Variants in AKAP9 observed in about 807,000 individuals in gnomAD.
AKAP9 encodes A-kinase anchoring protein 9, also known as A-kinase anchor protein 9.
In AKAP9, 311 loss-of-function variants were observed where a neutral mutation model predicts 488.5. The ratio of observed to expected loss-of-function variants is 0.64; its 90% CI spans 0.58 to 0.70. The LOEUF is 0.70. Ranked by LOEUF, AKAP9 falls within the 30% of genes least tolerant of loss-of-function variation. The pLI is 0.00. For missense variants in AKAP9, 4,215 were observed against 4,374.5 expected (o/e 0.96, Z 1.03); for synonymous variants, 1,462 against 1,483.5 (o/e 0.99, Z 0.33).
intron 1 of AKAP9, among the ~76,000 whole-genome samples, chr7:91,963,707 A>G (rs1400465250): frequency 1.3e-5 from 2 of 151,974 alleles, no homozygotes; most frequent in African/African-American, 2.4e-5. Flanking sequence ...TTTAGTAGAG[A>G]TGTGGTTTCG....
intron 7 of AKAP9, among the ~76,000 whole-genome samples, chr7:91,999,186 C>T (rs1182037242): frequency 6.6e-6 from 1 of 152,264 alleles, no homozygotes; most frequent in East Asian, 1.9e-4. Context: ...GACGAGCTAC[C>T]TCAGAAGTGA....
intron 6 of AKAP9, 30 bp from the exon 7 acceptor site, chr7:91,995,573 T>A: frequency 6.2e-7 from 1 of 1,604,612 alleles, no homozygotes; most frequent in Non-Finnish European, 8.5e-7. Context: ...CTTCAGAATT[T>A]AACGTTTTGA....
intron 9 of AKAP9, among the ~76,000 whole-genome samples, chr7:92,013,810 C>T (rs1477560133): frequency 6.6e-6 from 1 of 150,766 alleles, no homozygotes; most frequent in Non-Finnish European, 1.5e-5. Flanking sequence ...GTTTTTCAAA[C>T]TAGAGGCTAA....
chr7:92,085,039 G>T, intron 35 of AKAP9, 99 bp downstream of exon 35: 1 of 1,373,780 alleles, frequency 7.3e-7, no homozygotes. Flanking sequence ...CATTTCTGAA[G>T]AGAGAATTGC....
intron 22 of AKAP9, among the ~76,000 whole-genome samples, chr7:92,059,160 T>TA (rs1293881001): frequency 6.6e-6 from 1 of 151,966 alleles, no homozygotes; most frequent in Non-Finnish European, 1.5e-5. Flanking sequence ...ACTTTTATAT[T>TA]AAAGTGACAG....
At chr7:92,077,571 A>T (rs1043383024) in intron 29 of AKAP9, 125 bp from the exon 30 acceptor site, 23 of 823,092 alleles carry the variant, frequency 2.8e-5, no homozygotes, top group Non-Finnish European at 4.6e-5. Context: ...ATTGATTTAC[A>T]GTAACCATAT....
At chr7:91,981,756 C>A (rs1414065142) in intron 3 of AKAP9, among the ~76,000 whole-genome samples, 1 of 152,042 alleles carries the variant, frequency 6.6e-6, no homozygotes, top group Non-Finnish European at 1.5e-5. Flanking sequence ...CAGGCATGTG[C>A]CACCACACCC....
chr7:91,980,184 T>C, intron 2 of AKAP9, 105 bp from the exon 3 acceptor site: 1 of 619,450 alleles, frequency 1.6e-6, no homozygotes, highest in Non-Finnish European at 2.8e-6. Flanking sequence ...TAGTGGTATT[T>C]TATGTGACTT....
At chr7:91,953,025 T>C (rs1192048071) in intron 1 of AKAP9, among the ~76,000 whole-genome samples, 4 of 152,162 alleles carry the variant, frequency 2.6e-5, no homozygotes, top group African/African-American at 9.7e-5. Flanking sequence ...GTTAGCTAGA[T>C]TTGCATTTTA....
At chr7:92,010,536 A>G (rs1410337242) in intron 8 of AKAP9, among the ~76,000 whole-genome samples, 1 of 152,192 alleles carries the variant, frequency 6.6e-6, no homozygotes, top group Admixed American at 6.5e-5. Context: ...TACGTTATTC[A>G]TCTGTTATGC....
rs760013686 is a variant in AKAP9 at position 92,002,428 on chromosome 7, T to C, written c.2511T>C (p.Ile837=). The part of the protein sequence containing the change: ...EENEDLKQQC[I]QLNEEIEKQR... ...ATGAGGACCTCAAACAACAATGTAT[T>C]CAGCTAAATGAAGAGATTGAAAAGC... Residue 837 remains isoleucine (I), a synonymous_variant, in exon 8 of 50, where the codon ATT becomes ATC. Transcript: ENST00000356239. 12 of 1,609,212 alleles carry C rather than the reference T, an allele frequency of 7.5e-6. No individual in the cohort carries two copies. Among genetic ancestry groups the C allele is most frequent in the Non-Finnish European group, 9.3e-6 (11 of 1,178,708 alleles).
intron 3 of AKAP9, among the ~76,000 whole-genome samples, chr7:91,989,190 A>C (rs574988924): frequency 6.6e-6 from 1 of 152,254 alleles, no homozygotes; most frequent in Admixed American, 6.5e-5. Flanking sequence ...TTTGATTAGA[A>C]CTTAATTTGT....
Position 92,012,612 on chromosome 7 carries a change from G to A in AKAP9, c.3502G>A (p.Glu1168Lys), listed in dbSNP as rs1247822313. 1 of 1,613,002 alleles carries A rather than the reference G, an allele frequency of 6.2e-7. No individual in the cohort carries two copies. The highest frequency in any genetic ancestry group is 2.2e-5 in the East Asian group (1 of 44,810). ...IKELQKIHQL[E>K]LQTMKTQETG... Reference sequence around the variant, plus strand: ...GGAACTTCAGAAAATACACCAGTTAGAACTACAGACTATGAAAACACAAGA... The same window carrying A: ...GGAACTTCAGAAAATACACCAGTTAAAACTACAGACTATGAAAACACAAGA... The change falls in exon 9 of 50, where the codon GAA becomes AAA. Residue 1168 changes from glutamate to lysine, a missense_variant. By Grantham distance (56) the Glu-to-Lys change is moderately conservative. Around this residue, in one of 5 missense-constraint regions of AKAP9, gnomAD observed 2,361 missense variants for 2,430.0 expected, o/e 0.97. Transcript: ENST00000356239.
At position 92,029,836 on chromosome 7, in the gene AKAP9, C is replaced by G. The variant is rs17164315; in HGVS notation, c.4149-59C>G. The G allele has an allele frequency of 0.39, 539,708 of 1,382,880 alleles. 107,690 individuals carry two copies. The highest frequency in any genetic ancestry group is 0.52 in the African/African-American group (36,210 of 69,976). The allele number at this position is 1,382,880 out of a possible 1,614,324, so 85.7% of individuals were successfully genotyped here. On this transcript the variant is annotated intron_variant, in intron 14 of 49. Transcript: ENST00000356239. ...CATTTTATGTGTGGTGTAGATTTTG[C>G]ATGAACACTAAAGCACATATACAAC...
chr7:92,071,528 T>C (rs1811733980), intron 28 of AKAP9, among the ~76,000 whole-genome samples: 1 of 152,072 alleles, frequency 6.6e-6, no homozygotes, highest in African/African-American at 2.4e-5. Context: ...AGTTCTCCTT[T>C]GTTTCTCTGC....
rs187982407 is a variant in AKAP9, at chr7:92,018,146, A to G, written c.3837+1044A>G. On this transcript the variant is annotated intron_variant, in intron 12 of 49. Transcript: ENST00000356239. ...TGCCCAGCTTGTGCATCGTGTTGCC[A>G]TTAAGTAGGAATCAGGGCCCAGTGT... Among the ~76,000 whole-genome samples, 664 of 152,316 alleles carry G rather than the reference A, an allele frequency of 4.4e-3. 3 individuals carry two copies. Among genetic ancestry groups the G allele is most frequent in the Non-Finnish European group, 6.2e-3 (422 of 68,030 alleles).
intron 46 of AKAP9, among the ~76,000 whole-genome samples, chr7:92,105,393 G>T (rs755701634): frequency 6.6e-6 from 1 of 151,152 alleles, no homozygotes; most frequent in South Asian, 2.1e-4. Context: ...ATCTACTTTT[G>T]CCTTCCATCT....
At chr7:91,986,290 G>A (rs978883030) in intron 3 of AKAP9, among the ~76,000 whole-genome samples, 1 of 152,152 alleles carries the variant, frequency 6.6e-6, no homozygotes, top group Non-Finnish European at 1.5e-5. Flanking sequence ...GTTTTTCCAG[G>A]TACAGTCTGT....
At chr7:92,027,657 C>T (rs1407010822) in intron 14 of AKAP9, among the ~76,000 whole-genome samples, 6 of 145,116 alleles carry the variant, frequency 4.1e-5, no homozygotes, top group Non-Finnish European at 1.5e-5. Context: ...TCTGCCTGGC[C>T]GCCCCGTCTG....
Sources: allele counts gnomAD v4.1 joint callset (sites outside exome capture counted in the v4.1 genomes callset), GRCh38; gene constraint gnomAD v4.1.1; regional missense constraint gnomAD v4.1.1; transcripts MANE v1.5; gene names NCBI Gene and HGNC (gene_info 2026-07-23, HGNC 2026-07-21).